Variants in PHF21B observed in about 807,000 individuals in gnomAD.
The protein encoded by PHF21B is PHD finger protein 4.
In PHF21B, 22 loss-of-function variants were observed where a neutral mutation model predicts 62.2. That is an observed-to-expected ratio of 0.35 (90% CI 0.25 to 0.51). The LOEUF (loss-of-function observed/expected upper bound fraction) is 0.51, where lower values mean the gene tolerates loss of function less well. Ranked by LOEUF, PHF21B falls within the 20% of genes least tolerant of loss-of-function variation. The pLI is 0.97. For missense variants in PHF21B, 701 were observed against 707.9 expected (o/e 0.99, Z 0.11); for synonymous variants, 341 against 314.7 (o/e 1.08, Z -0.88).
chr22:44,885,581 G>T, intron 11 of PHF21B, 52 bp from the exon 12 acceptor site: 1 of 1,508,314 alleles, frequency 6.6e-7, no homozygotes, highest in Non-Finnish European at 9.0e-7. Flanking sequence ...GGAGCGGCTG[G>T]GTCGTAGAGT....
intron 9 of PHF21B, among the ~76,000 whole-genome samples, chr22:44,888,906 C>T (rs958771047): frequency 1.3e-5 from 2 of 152,340 alleles, no homozygotes; most frequent in Admixed American, 6.5e-5. Flanking sequence ...GCCTCAAAGC[C>T]GAGGCCCTCT....
intron 2 of PHF21B, among the ~76,000 whole-genome samples, chr22:44,936,391 T>A (rs765406976): frequency 6.6e-6 from 1 of 152,246 alleles, no homozygotes; most frequent in Non-Finnish European, 1.5e-5. Context: ...TCCTGGCCTG[T>A]GGCCCTCATC....
chr22:44,897,480 C>T (rs1488741608), intron 5 of PHF21B, among the ~76,000 whole-genome samples: 3 of 152,174 alleles, frequency 2.0e-5, no homozygotes, highest in Non-Finnish European at 4.4e-5. Context: ...CCTTGAGAGA[C>T]AGCCTGCCAG....
intron 2 of PHF21B, among the ~76,000 whole-genome samples, chr22:44,950,772 C>T (rs2072176897): frequency 6.6e-6 from 1 of 152,122 alleles, no homozygotes; most frequent in South Asian, 2.1e-4. Flanking sequence ...CTTGCTGTTT[C>T]CTTTTAAATG....
rs201069592 is a variant in PHF21B at position 44,957,457 on chromosome 22, C to T, written c.121-36967G>A. ...GCCTTCCTCTGGGGCTTGCCACTGTCCGTCCTCATGCTGCCTCCAGAGGGA... is the reference window on the plus strand; with the variant it reads ...GCCTTCCTCTGGGGCTTGCCACTGTTCGTCCTCATGCTGCCTCCAGAGGGA... On this transcript the variant is annotated intron_variant, in intron 2 of 12. Coordinates refer to ENST00000313237, the MANE Select transcript of PHF21B (RefSeq NM_138415.5). 9.8e-5 allele frequency among the ~76,000 whole-genome samples: 15 copies of T among 152,312 alleles called. No homozygotes were observed. The East Asian group carries it at 2.9e-3, about 29-fold the overall frequency.
chr22:45,009,575 G>A lies in PHF21B; in HGVS notation c.-26C>T. On this transcript the variant is annotated 5_prime_UTR_variant, in exon 1 of 13. Coordinates refer to ENST00000313237, the MANE Select transcript of PHF21B (RefSeq NM_138415.5). The surrounding 1 kb of genome is among the most constrained non-coding windows in gnomAD (Gnocchi z 5.9). ...CCCGGCAACTTGGGCAGCACTTTGC[G>A]CTCACTTTGGCCCGGGCTCCCGGGA... The A allele has an allele frequency of 6.5e-7, 1 of 1,549,766 alleles. No individual in the cohort carries two copies. The highest frequency in any genetic ancestry group is 2.5e-5 in the East Asian group (1 of 40,744).
intron 7 of PHF21B, among the ~76,000 whole-genome samples, 198 bp from the exon 8 acceptor site, chr22:44,891,558 G>A (rs566930445): frequency 4.6e-5 from 7 of 152,260 alleles, no homozygotes; most frequent in Non-Finnish European, 7.4e-5. Context: ...AGGATGGGGC[G>A]GGGCGGGGCA....
chr22:44,912,373 C>T (rs2147294078), intron 5 of PHF21B, among the ~76,000 whole-genome samples: 1 of 152,248 alleles, frequency 6.6e-6, no homozygotes, highest in South Asian at 2.1e-4. Flanking sequence ...TGGCTGTGTC[C>T]TCACCCAAAT....
rs1300343452 is a variant in PHF21B, at chr22:44,891,367, G to C, written c.961-7C>G. The stretch of plus-strand genomic sequence containing the variant: ...TGGAGGCCAGCCGTTTCCTCTGCAG[G>C]GACAGAAAACAAAACAACACACCCC... On this transcript the variant is annotated splice_polypyrimidine_tract_variant and splice_region_variant and intron_variant, in intron 7 of 12. Coordinates refer to ENST00000313237, the MANE Select transcript of PHF21B (RefSeq NM_138415.5). 1.2e-6 allele frequency: 2 copies of C among 1,613,528 alleles called. No homozygotes were observed. Among genetic ancestry groups the C allele is most frequent in the South Asian group, 1.1e-5 (1 of 90,746 alleles).
chr22:44,910,536 A>T (rs2071327051), intron 5 of PHF21B, among the ~76,000 whole-genome samples: 1 of 152,148 alleles, frequency 6.6e-6, no homozygotes, highest in Non-Finnish European at 1.5e-5. Flanking sequence ...TGTTCTTGTG[A>T]TAGTGAATGT....
At chr22:44,883,762 C>A (rs1438100173) in intron 12 of PHF21B, among the ~76,000 whole-genome samples, 3 of 152,024 alleles carry the variant, frequency 2.0e-5, no homozygotes, top group Non-Finnish European at 4.4e-5. Context: ...TGCCTACAGT[C>A]CCATATCCAT....
chr22:44,995,585 G>C (rs966270171), intron 2 of PHF21B, among the ~76,000 whole-genome samples: 5 of 152,156 alleles, frequency 3.3e-5, no homozygotes, highest in Non-Finnish European at 7.3e-5. Flanking sequence ...AACCTTGGGA[G>C]CTTGGACCAC....
Position 44,960,956 on chromosome 22 carries a change from A to ATTTTTTT in PHF21B, c.121-40473_121-40467dup, listed in dbSNP as rs58426065. ...TGTCCCTTCAAAATCACGTGAGTTGATTTTTTTTTTTTTTTTTTGAGAAGG... is the reference window on the plus strand; with the variant it reads ...TGTCCCTTCAAAATCACGTGAGTTGATTTTTTTTTTTTTTTTTTTTTTTTTGAGAAGG... On this transcript the variant is annotated intron_variant, in intron 2 of 12. Transcript: ENST00000313237. Among the ~76,000 whole-genome samples, 11 of 120,908 alleles carry ATTTTTTT rather than the reference A, an allele frequency of 9.1e-5. 2 individuals carry two copies. Among genetic ancestry groups the ATTTTTTT allele is most frequent in the Non-Finnish European group, 1.5e-4 (9 of 60,956 alleles). 79.3% of individuals were successfully genotyped at this position (120,908 alleles called of 152,430 possible). A position where few individuals can be genotyped will look rare whatever the true frequency, so the allele number is the denominator to read the frequency against.
chr22:44,904,455 TG>T (rs1285909397), intron 5 of PHF21B, among the ~76,000 whole-genome samples: 1 of 152,236 alleles, frequency 6.6e-6, no homozygotes, highest in African/African-American at 2.4e-5. Context: ...AGTCTTCCTA[TG>T]TGTAAAATGT....
Position 45,009,244 on chromosome 22 carries a change from TAAGAG to T in PHF21B, c.54+247_54+251del. 2 of 512,024 alleles carry T rather than the reference TAAGAG, an allele frequency of 3.9e-6. No individual in the cohort carries two copies. Among genetic ancestry groups the T allele is most frequent in the South Asian group, 5.5e-5 (2 of 36,044 alleles). 31.7% of individuals were successfully genotyped at this position (512,024 alleles called of 1,614,324 possible). ...CCAGTCATGCAGACCCTACATCGCT[TAAGAG>T]AAGACTCCAGGCTCGGGTCCCACGC... On this transcript the variant is annotated intron_variant, in intron 1 of 12. Transcript: ENST00000313237. The surrounding 1 kb of genome is among the most constrained non-coding windows in gnomAD (Gnocchi z 5.9).
chr22:44,956,037 T>C (rs1243271500), intron 2 of PHF21B, among the ~76,000 whole-genome samples: 1 of 152,170 alleles, frequency 6.6e-6, no homozygotes, highest in African/African-American at 2.4e-5. Flanking sequence ...ACAACACAAC[T>C]GTCTCCTCCC....
At chr22:44,906,304 T>C (rs1226359907) in intron 5 of PHF21B, among the ~76,000 whole-genome samples, 2 of 152,168 alleles carry the variant, frequency 1.3e-5, no homozygotes, top group Non-Finnish European at 1.5e-5. Flanking sequence ...TAGTTATTTC[T>C]GAATTTTGGA....
intron 5 of PHF21B, among the ~76,000 whole-genome samples, chr22:44,906,480 G>C (rs1296868836): frequency 6.6e-6 from 1 of 152,214 alleles, no homozygotes; most frequent in African/African-American, 2.4e-5. Flanking sequence ...TGCGGGGCTG[G>C]GACCTTGCTC....
At chr22:44,975,240 C>A (rs550503248) in intron 2 of PHF21B, among the ~76,000 whole-genome samples, 2 of 152,346 alleles carry the variant, frequency 1.3e-5, no homozygotes, top group African/African-American at 4.8e-5. Flanking sequence ...TGAGACACTT[C>A]AGCTCCCTCA....
Sources: gnomAD v4.1 joint callset for allele counts (sites outside exome capture counted in the v4.1 genomes callset) on GRCh38, gnomAD v4.1.1 for gene constraint, Gnocchi (gnomAD v3.1) non-coding constraint, MANE v1.5 for transcripts, NCBI Gene and HGNC (gene_info 2026-07-23, HGNC 2026-07-21) for gene names.